Variants in LRRC37A3 observed in about 807,000 individuals in gnomAD.
The protein encoded by LRRC37A3 is leucine-rich repeat-containing protein 37A3.
Under a neutral mutation model 106.2 loss-of-function variants are expected in LRRC37A3, and 25 were observed. The ratio of observed to expected loss-of-function variants is 0.24; its 90% confidence interval spans 0.17 to 0.33. The LOEUF is 0.33. Among genes scored for constraint, LRRC37A3 ranks in the 10% least tolerant of loss-of-function variants. The pLI, the probability that LRRC37A3 is intolerant of heterozygous loss-of-function variation, is 1.00. For missense variants in LRRC37A3, 712 were observed against 1,644.9 expected, an observed-to-expected ratio of 0.43 and a Z score of 9.81; for synonymous variants, 305 against 635.8, an observed-to-expected ratio of 0.48 and a Z score of 7.83.
intron 11 of LRRC37A3, 116 bp from the exon 12 acceptor site, chr17:64,861,089 T>C: frequency 1.3e-6 from 2 of 1,532,574 alleles, no homozygotes; most frequent in East Asian, 2.2e-5. Context: ...TCGAGTGCCA[T>C]TCAGAGAGGA....
intron 8 of LRRC37A3, among the ~76,000 whole-genome samples, chr17:64,879,922 T>C (rs866554836): frequency 6.6e-6 from 1 of 152,160 alleles, no homozygotes; most frequent in Non-Finnish European, 1.5e-5. Context: ...ACACCAAAAA[T>C]AATGACTGTA....
chr17:64,888,378 TTTC>T (rs202154461), intron 6 of LRRC37A3, among the ~76,000 whole-genome samples: 2,625 of 152,062 alleles, frequency 0.017, 35 homozygotes, highest in South Asian at 0.035. Context: ...CCCACATCCG[TTTC>T]TTCTTCTTAA....
Position 64,884,216 on chromosome 17 carries a change from C to T in LRRC37A3, c.2906+1870G>A, listed in dbSNP as rs550473215. Among the ~76,000 whole-genome samples, 296 of 137,566 alleles carry T rather than the reference C, an allele frequency of 2.2e-3. 2 individuals are homozygous for T. The highest frequency in any genetic ancestry group is 8.1e-3 in the African/African-American group (281 of 34,750). The allele number at this position is 137,566 out of a possible 152,430, so 90.2% of individuals were successfully genotyped here. ...TGTAGCCCCAGCACTTAGTACAGTA[C>T]CTGGCACAAATGGACATGACACTCT... On this transcript the variant is annotated intron_variant, in intron 8 of 14. Transcript: ENST00000584306.
chr17:64,863,197 G>A (rs975268145), intron 10 of LRRC37A3, 179 bp from the exon 11 acceptor site: 12 of 673,964 alleles, frequency 1.8e-5, no homozygotes, highest in Middle Eastern at 4.2e-4. Flanking sequence ...CAACTGAAGG[G>A]TAAGCATGGC....
chr17:64,915,133 C>A (rs1213310577), intron 2 of LRRC37A3, among the ~76,000 whole-genome samples: 1 of 151,972 alleles, frequency 6.6e-6, no homozygotes. Context: ...TTGTTATCTT[C>A]CCAATACAAA....
At chr17:64,893,648 ATTTTTTT>A (rs3972251) in intron 4 of LRRC37A3, among the ~76,000 whole-genome samples, 1 of 86,948 alleles carries the variant, frequency 1.2e-5, no homozygotes, top group East Asian at 2.8e-4. Context: ...CCCTCCTATC[ATTTTTTT>A]TTTTTTTTTT....
At chr17:64,899,030 ATG>A (rs1224382653) in intron 2 of LRRC37A3, 5 of 140,034 alleles carry the variant, frequency 3.6e-5, no homozygotes, top group Admixed American at 6.9e-5. Flanking sequence ...CCTGTACTGT[ATG>A]TTACTGTACT....
intron 2 of LRRC37A3, among the ~76,000 whole-genome samples, chr17:64,912,546 A>T (rs1269378386): frequency 2.0e-5 from 3 of 152,176 alleles, no homozygotes; most frequent in African/African-American, 7.2e-5. Flanking sequence ...ACACTAAAAA[A>T]TATTCAGTTA....
intron 11 of LRRC37A3, among the ~76,000 whole-genome samples, chr17:64,862,159 A>G (rs924702243): frequency 1.3e-5 from 2 of 152,224 alleles, no homozygotes; most frequent in African/African-American, 4.8e-5. Flanking sequence ...TATGTAACCA[A>G]GCATTATTAA....
chr17:64,893,650 T>G (rs1200094485), intron 4 of LRRC37A3, among the ~76,000 whole-genome samples: 1 of 129,650 alleles, frequency 7.7e-6, no homozygotes, highest in Non-Finnish European at 1.6e-5. Flanking sequence ...CTCCTATCAT[T>G]TTTTTTTTTT....
intron 8 of LRRC37A3, among the ~76,000 whole-genome samples, chr17:64,875,712 C>A (rs562504527): frequency 6.6e-6 from 1 of 152,012 alleles, no homozygotes; most frequent in East Asian, 1.9e-4. Context: ...TCGCTTGAAC[C>A]TGGGAGGCAG....
Position 64,860,247 on chromosome 17 carries a change from T to A in LRRC37A3, c.3899A>T (p.His1300Leu), listed in dbSNP as rs200119700. 1 of 1,613,996 alleles carries A rather than the reference T, an allele frequency of 6.2e-7. No individual in the cohort carries two copies. Among genetic ancestry groups the A allele is most frequent in the East Asian group, 2.2e-5 (1 of 44,884 alleles). ...GTGAAAGCGGTATTTTTTTCTGGAA[T>A]GTACGATGGGTTTAGATGTCTTCAT... ...TNMKTSKPIVHSRKKYRFHKT... is the reference protein window; with the variant it reads ...TNMKTSKPIVLSRKKYRFHKT... Residue 1300 changes from histidine to leucine, a missense_variant, in exon 12 of 15, where the codon CAT becomes CTT. Transcript: ENST00000584306.
intron 10 of LRRC37A3, among the ~76,000 whole-genome samples, chr17:64,866,259 T>C (rs1973066845): frequency 1.3e-5 from 2 of 152,012 alleles, no homozygotes; most frequent in African/African-American, 4.8e-5. Context: ...GAGGAAGGGA[T>C]CCAGCTGACG....
chr17:64,870,399 A>G (rs939824595), intron 8 of LRRC37A3, among the ~76,000 whole-genome samples: 19 of 152,234 alleles, frequency 1.2e-4, no homozygotes, highest in African/African-American at 4.3e-4. Flanking sequence ...GCTGGAATCA[A>G]TTTTCTTTTT....
chr17:64,868,283 T>G (rs1973186543), intron 10 of LRRC37A3, among the ~76,000 whole-genome samples, 179 bp downstream of exon 10: 2 of 152,016 alleles, frequency 1.3e-5, no homozygotes, highest in South Asian at 4.2e-4. Context: ...TGCTTTATAT[T>G]GGGAATGTGG....
At chr17:64,911,138 T>C (rs1241799812) in intron 2 of LRRC37A3, among the ~76,000 whole-genome samples, 2 of 152,136 alleles carry the variant, frequency 1.3e-5, no homozygotes, top group East Asian at 1.9e-4. Context: ...TCAACCACTA[T>C]ACATATTTTA....
intron 6 of LRRC37A3, among the ~76,000 whole-genome samples, chr17:64,887,592 GAAATA>G (rs1445878126): frequency 1.2e-4 from 5 of 42,226 alleles, no homozygotes; most frequent in East Asian, 4.3e-4. Flanking sequence ...AATATCAGAA[GAAATA>G]AAAGACATCC....
At chr17:64,866,804 TATA>T (rs1237149931) in intron 10 of LRRC37A3, among the ~76,000 whole-genome samples, 1 of 119,654 alleles carries the variant, frequency 8.4e-6, no homozygotes, top group African/African-American at 4.5e-5. Flanking sequence ...CTGATTTTTA[TATA>T]TATATATATA....
intron 2 of LRRC37A3, among the ~76,000 whole-genome samples, chr17:64,908,785 A>G (rs1974518832): frequency 2.2e-5 from 3 of 137,606 alleles, no homozygotes; most frequent in East Asian, 2.0e-4. Context: ...AAACAAGTCA[A>G]TATAGCTGGG....
Sources: gnomAD v4.1 joint callset for allele counts (sites outside exome capture counted in the v4.1 genomes callset) on GRCh38, gnomAD v4.1.1 for gene constraint, MANE v1.5 for transcripts, NCBI Gene and HGNC (gene_info 2026-07-23, HGNC 2026-07-21) for gene names.